Variants in MSRB3 observed in about 807,000 individuals in gnomAD.
The protein encoded by MSRB3 is methionine-R-sulfoxide reductase B3.
A neutral mutation model predicts 21.0 loss-of-function variants in MSRB3; 13 were observed. The ratio of observed to expected loss-of-function variants is 0.62; its 90% CI spans 0.40 to 0.98. The LOEUF (loss-of-function observed/expected upper bound fraction) is 0.98. MSRB3 is among the 50% of genes least tolerant of loss of function. The pLI, the probability that MSRB3 is intolerant of heterozygous loss-of-function variation, is 0.00. For missense variants in MSRB3, 199 were observed against 230.3 expected, an observed-to-expected ratio of 0.86 and a Z score of 0.88; for synonymous variants, 87 against 88.6, an observed-to-expected ratio of 0.98 and a Z score of 0.10.
chr12:65,337,325 T>G (rs932997386), intron 4 of MSRB3, among the ~76,000 whole-genome samples: 1 of 150,608 alleles, frequency 6.6e-6, no homozygotes, highest in African/African-American at 2.5e-5. Context: ...TCTCAGCTAC[T>G]TGGGAGGCTG....
intron 6 of MSRB3, among the ~76,000 whole-genome samples, chr12:65,461,149 G>A (rs1883312868): frequency 6.6e-6 from 1 of 152,158 alleles, no homozygotes; most frequent in South Asian, 2.1e-4. Context: ...AAGTGCTGGA[G>A]CTGCATCTGA....
At chr12:65,287,020 CAAAAAAAAAAAAAAAA>C (rs35236078) in intron 1 of MSRB3, among the ~76,000 whole-genome samples, 3 of 57,154 alleles carry the variant, frequency 5.2e-5, no homozygotes, top group Non-Finnish European at 8.7e-5. Flanking sequence ...GACCCTTTCT[CAAAAAAAAAAAAAAAA>C]AAAAAAAAAG....
intron 2 of MSRB3, among the ~76,000 whole-genome samples, chr12:65,310,909 G>T (rs191597958): frequency 1.3e-5 from 2 of 152,074 alleles, no homozygotes; most frequent in East Asian, 1.9e-4. Flanking sequence ...AACCTGAAAG[G>T]GTTGCTGTGA....
chr12:65,402,186 G>C (rs1024736490), intron 5 of MSRB3, among the ~76,000 whole-genome samples: 1 of 152,144 alleles, frequency 6.6e-6, no homozygotes, highest in African/African-American at 2.4e-5. Flanking sequence ...AGTTCTCCTG[G>C]ATATTTTCCT....
intron 5 of MSRB3, among the ~76,000 whole-genome samples, chr12:65,422,401 TATATATATATATATATATATATATATA>T (rs2136646073): frequency 3.3e-5 from 1 of 30,234 alleles, no homozygotes; most frequent in East Asian, 1.1e-3. Flanking sequence ...TATATATATA[TATATATATATATATATATATATATATA>T]TATTTATTTA....
intron 1 of MSRB3, among the ~76,000 whole-genome samples, chr12:65,303,832 G>A (rs1873486438): frequency 6.6e-6 from 1 of 152,118 alleles, no homozygotes; most frequent in Non-Finnish European, 1.5e-5. Context: ...AATGGTGGAG[G>A]TTGGAAGTGG....
chr12:65,438,960 A>G (rs965148833), intron 5 of MSRB3, among the ~76,000 whole-genome samples: 1 of 151,894 alleles, frequency 6.6e-6, no homozygotes, highest in Non-Finnish European at 1.5e-5. Flanking sequence ...GAAAATAGGT[A>G]TGTCTCTTGT....
chr12:65,416,782 A>G (rs1446132991), intron 5 of MSRB3, among the ~76,000 whole-genome samples: 1 of 152,218 alleles, frequency 6.6e-6, no homozygotes, highest in Admixed American at 6.5e-5. Context: ...AACTGTTGTT[A>G]CTTAGCATGT....
intron 5 of MSRB3, among the ~76,000 whole-genome samples, chr12:65,412,808 TG>T (rs2136627745): frequency 6.6e-6 from 1 of 152,228 alleles, no homozygotes; most frequent in South Asian, 2.1e-4. Flanking sequence ...TTAGCATGGC[TG>T]GGGAGGCCTC....
intron 1 of MSRB3, among the ~76,000 whole-genome samples, chr12:65,296,904 G>A (rs1873001792): frequency 1.3e-5 from 2 of 152,140 alleles, no homozygotes; most frequent in Admixed American, 6.5e-5. Flanking sequence ...GGAGAAGGAA[G>A]TGGGGGACAA....
chr12:65,308,771 T>G, intron 2 of MSRB3, 116 bp downstream of exon 2: 836 of 1,259,284 alleles, frequency 6.6e-4, no homozygotes, highest in Non-Finnish European at 8.6e-4. Context: ...ACTTGGGCCC[T>G]AATTTGAAGA....
intron 5 of MSRB3, among the ~76,000 whole-genome samples, chr12:65,441,657 C>T (rs2136681418): frequency 6.6e-6 from 1 of 151,866 alleles, no homozygotes; most frequent in African/African-American, 2.4e-5. Context: ...AGACAAAAAG[C>T]ATAATAAACA....
intron 5 of MSRB3, among the ~76,000 whole-genome samples, chr12:65,398,762 T>C (rs1489566900): frequency 2.0e-5 from 3 of 152,194 alleles, no homozygotes; most frequent in Non-Finnish European, 4.4e-5. Context: ...AAGCCTCTAA[T>C]TCATCTTGAG....
intron 5 of MSRB3, among the ~76,000 whole-genome samples, chr12:65,446,103 G>A (rs1438292464): frequency 6.6e-6 from 1 of 152,152 alleles, no homozygotes; most frequent in Non-Finnish European, 1.5e-5. Context: ...TTGTTGGTTT[G>A]AAGTAATGAA....
At chr12:65,436,873 A>G (rs538715628) in intron 5 of MSRB3, among the ~76,000 whole-genome samples, 72 of 151,958 alleles carry the variant, frequency 4.7e-4, no homozygotes, top group Non-Finnish European at 9.6e-4. Flanking sequence ...TTGGATTTAC[A>G]TGCCAACTTC....
At chr12:65,362,068 C>A (rs1877741124) in intron 4 of MSRB3, among the ~76,000 whole-genome samples, 1 of 152,034 alleles carries the variant, frequency 6.6e-6, no homozygotes, top group Admixed American at 6.6e-5. Flanking sequence ...GATAGAAATA[C>A]CCAAGTAAAA....
In MSRB3 at chr12:65,457,432, C is replaced by T. The variant is rs555286072; in HGVS notation, c.390+3607C>T. 4.1e-4 allele frequency among the ~76,000 whole-genome samples: 63 copies of T among 152,198 alleles called. 1 individual carries two copies. Among genetic ancestry groups the T allele is most frequent in the Non-Finnish European group, 4.9e-4 (33 of 68,016 alleles). ...TCCCCTCCCTGTGTCCATGTGTTCT[C>T]ATTGTTCCACTCCCACTTATGAGTG... On this transcript the variant is annotated intron_variant, in intron 6 of 6. Transcript: ENST00000308259.
At chr12:65,417,805 AC>A (rs1881058523) in intron 5 of MSRB3, among the ~76,000 whole-genome samples, 1 of 152,198 alleles carries the variant, frequency 6.6e-6, no homozygotes, top group Non-Finnish European at 1.5e-5. Context: ...TGTTCAAATG[AC>A]AGGATTTTCT....
intron 5 of MSRB3, among the ~76,000 whole-genome samples, chr12:65,416,755 C>T (rs78618670): frequency 2.0e-5 from 3 of 152,176 alleles, no homozygotes; most frequent in Non-Finnish European, 4.4e-5. Flanking sequence ...ATCATATATG[C>T]AGTCCATAGT....
Sources: allele counts gnomAD v4.1 joint callset (sites outside exome capture counted in the v4.1 genomes callset), GRCh38; gene constraint gnomAD v4.1.1; transcripts MANE v1.5; gene names NCBI Gene and HGNC (gene_info 2026-07-23, HGNC 2026-07-21).